The following SLC4A4 variants were observed in gnomAD, a reference collection of about 807,000 sequenced individuals.
The protein encoded by SLC4A4 is electrogenic sodium bicarbonate cotransporter 1.
In SLC4A4, 27 loss-of-function variants were observed where a neutral mutation model predicts 111.5. That is an observed-to-expected ratio of 0.24 (90% CI 0.18 to 0.33). The LOEUF is 0.33. Ranked by LOEUF, SLC4A4 falls within the 10% of genes least tolerant of loss-of-function variation. The pLI is 1.00. For missense variants in SLC4A4, 909 were observed against 1,315.5 expected, an observed-to-expected ratio of 0.69 and a Z score of 4.78; for synonymous variants, 443 against 463.4, an observed-to-expected ratio of 0.96 and a Z score of 0.57.
intron 15 of SLC4A4, among the ~76,000 whole-genome samples, chr4:71,492,651 T>G (rs1730040772): frequency 6.6e-6 from 1 of 152,008 alleles, no homozygotes; most frequent in African/African-American, 2.4e-5. Flanking sequence ...ATCTTTGCTC[T>G]TGATGTCTCT....
intron 3 of SLC4A4, among the ~76,000 whole-genome samples, chr4:71,292,808 A>G (rs1724458426): frequency 6.6e-6 from 1 of 151,326 alleles, no homozygotes; most frequent in Non-Finnish European, 1.5e-5. Context: ...TTATGATCAC[A>G]TAGTGTGAGT....
At chr4:71,262,464 A>T (rs1158702420) in intron 3 of SLC4A4, among the ~76,000 whole-genome samples, 1 of 152,186 alleles carries the variant, frequency 6.6e-6, no homozygotes, top group Non-Finnish European at 1.5e-5. Context: ...AGGTGTTGCG[A>T]GCAAGGAGTC....
chr4:71,554,428 G>A (rs1736289053), intron 20 of SLC4A4, among the ~76,000 whole-genome samples: 1 of 151,778 alleles, frequency 6.6e-6, no homozygotes, highest in African/African-American at 2.4e-5. Context: ...AATAGATACA[G>A]TTTACAGACA....
At chr4:71,435,083 A>G (rs1723998433) in intron 7 of SLC4A4, among the ~76,000 whole-genome samples, 3 of 152,206 alleles carry the variant, frequency 2.0e-5, no homozygotes, top group Non-Finnish European at 2.9e-5. Context: ...TGAAGTTCAC[A>G]TGGAACCGCA....
At chr4:71,281,550 G>A (rs1441622207) in intron 3 of SLC4A4, among the ~76,000 whole-genome samples, 1 of 152,002 alleles carries the variant, frequency 6.6e-6, no homozygotes, top group Non-Finnish European at 1.5e-5. Context: ...AAATTACATG[G>A]TTCTAAGAAA....
rs1177575402 is a variant in SLC4A4 at position 71,440,733 on chromosome 4, G to C, written c.925G>C (p.Val309Leu). 6.2e-7 allele frequency: 1 copy of C among 1,614,130 alleles called. No individual in the cohort carries two copies. Among genetic ancestry groups the C allele is most frequent in the South Asian group, 1.1e-5 (1 of 91,090 alleles). ...TGCCTTTGTTAGGCTACAGCAGGCT[G>C]TCATGCTGGGTGCCCTGACTGAAGT... ...FIAFVRLQQA[V>L]MLGALTEVPV... is the part of the protein sequence containing the mutation. Residue 309 changes from valine (V) to leucine (L), a missense_variant, in exon 8 of 26, where the codon GTC becomes CTC. This residue lies in a region of SLC4A4 where 312 missense variants were observed against 402.0 expected (regional missense o/e 0.78). Coordinates refer to ENST00000264485, the MANE Select transcript of SLC4A4 (RefSeq NM_001098484.3).
intron 7 of SLC4A4, among the ~76,000 whole-genome samples, chr4:71,422,930 G>T (rs949979371): frequency 6.6e-6 from 1 of 152,186 alleles, no homozygotes; most frequent in African/African-American, 2.4e-5. Context: ...ACTGGCACAA[G>T]ACAGGGCTGC....
chr4:71,379,842 G>T (rs76566463), intron 6 of SLC4A4, among the ~76,000 whole-genome samples: 3,227 of 151,972 alleles, frequency 0.021, 115 homozygotes, highest in East Asian at 0.14. Context: ...TTTTCTGGTG[G>T]TGGTGATGGT....
At chr4:71,449,406 T>C (rs1346110154) in intron 9 of SLC4A4, among the ~76,000 whole-genome samples, 1 of 152,172 alleles carries the variant, frequency 6.6e-6, no homozygotes, top group Admixed American at 6.6e-5. Flanking sequence ...TCTGTGACTT[T>C]CCAGCCTCTA....
chr4:71,530,679 G>T (rs1733839175), intron 16 of SLC4A4, among the ~76,000 whole-genome samples: 1 of 152,104 alleles, frequency 6.6e-6, no homozygotes, highest in African/African-American at 2.4e-5. Context: ...CCTGCTGCTA[G>T]TTAGTATCAG....
chr4:71,516,022 G>A (rs13435719), intron 16 of SLC4A4, among the ~76,000 whole-genome samples: 19,308 of 135,182 alleles, frequency 0.14, 1,523 homozygotes, highest in Admixed American at 0.26. Context: ...GTTTTCTGTT[G>A]TTTTGTATAT....
At chr4:71,063,237 G>A (rs1167762136) in intron 1 of SLC4A4, among the ~76,000 whole-genome samples, 1 of 152,126 alleles carries the variant, frequency 6.6e-6, no homozygotes, top group Non-Finnish European at 1.5e-5. Flanking sequence ...ATACATGTGG[G>A]CATTTTACGA....
intron 7 of SLC4A4, among the ~76,000 whole-genome samples, chr4:71,410,159 C>G (rs894052722): frequency 1.1e-4 from 17 of 152,280 alleles, no homozygotes; most frequent in South Asian, 2.1e-4. Flanking sequence ...TTGGATCCCC[C>G]ACACTGAGTC....
At chr4:71,347,007 A>C (rs1319338319) in intron 4 of SLC4A4, among the ~76,000 whole-genome samples, 1 of 152,182 alleles carries the variant, frequency 6.6e-6, no homozygotes, top group Non-Finnish European at 1.5e-5. Context: ...TATAGATTTT[A>C]AGAAACTGGC....
Position 71,421,044 on chromosome 4 carries a change from T to C in SLC4A4, c.808-19572T>C, listed in dbSNP as rs1343609864. The stretch of plus-strand genomic sequence containing the variant: ...CAATTAAAAGACACAGACTGGCAAA[T>C]TGGATAAAGAGTCAAGACCCATCAG... On this transcript the variant is annotated intron_variant, in intron 7 of 25. Transcript: ENST00000264485. 7.4e-5 allele frequency among the ~76,000 whole-genome samples: 11 copies of C among 148,110 alleles called. No individual in the cohort carries two copies. The East Asian group carries it at 1.8e-3, about 24-fold the overall frequency.
chr4:71,362,399 A>C (rs767799935), intron 6 of SLC4A4, among the ~76,000 whole-genome samples: 9 of 152,344 alleles, frequency 5.9e-5, no homozygotes, highest in African/African-American at 2.2e-4. Flanking sequence ...GATAATGAAA[A>C]GTAAGAAGAA....
chr4:71,308,079 A>T (rs773427247), intron 3 of SLC4A4, among the ~76,000 whole-genome samples: 1 of 152,058 alleles, frequency 6.6e-6, no homozygotes, highest in Non-Finnish European at 1.5e-5. Context: ...GCCATTCAGG[A>T]TTTATCTACT....
chr4:71,261,956 C>A (rs1454768555), intron 3 of SLC4A4, among the ~76,000 whole-genome samples: 2 of 152,004 alleles, frequency 1.3e-5, no homozygotes, highest in African/African-American at 4.8e-5. Flanking sequence ...TGGGGGGAAA[C>A]CAGAATACTG....
At chr4:71,309,176 G>A (rs1725934079) in intron 3 of SLC4A4, among the ~76,000 whole-genome samples, 2 of 152,168 alleles carry the variant, frequency 1.3e-5, no homozygotes, top group Admixed American at 6.5e-5. Flanking sequence ...TCTTCACTGG[G>A]CAGGGCATCT....
Sources: allele counts gnomAD v4.1 joint callset (sites outside exome capture counted in the v4.1 genomes callset), GRCh38; gene constraint gnomAD v4.1.1; regional missense constraint gnomAD v4.1.1; transcripts MANE v1.5; gene names NCBI Gene and HGNC (gene_info 2026-07-23, HGNC 2026-07-21).